ATP9A: variants seen among roughly 807,000 people sequenced by gnomAD.
The protein encoded by ATP9A is ATPase phospholipid transporting 9A.
ATP9A carries 52 observed loss-of-function variants against 144.1 expected under a neutral mutation model. The ratio of observed to expected loss-of-function variants is 0.36; its 90% CI spans 0.29 to 0.45. The LOEUF is 0.45. Ranked by LOEUF, ATP9A falls within the 20% of genes least tolerant of loss-of-function variation. ATP9A has a pLI of 1.00. For missense variants in ATP9A, 947 were observed against 1,392.7 expected (o/e 0.68, Z 5.09); for synonymous variants, 582 against 557.4 (o/e 1.04, Z -0.62).
At chr20:51,618,559 G>A (rs1319714634) in intron 21 of ATP9A, 103 bp downstream of exon 21, 5 of 1,456,948 alleles carry the variant, frequency 3.4e-6, no homozygotes, top group Non-Finnish European at 4.6e-6. Context: ...AAAGGGGCCT[G>A]GGGAATTTGA....
chr20:51,639,558 C>T, intron 14 of ATP9A, 54 bp from the exon 15 acceptor site: 3 of 1,548,986 alleles, frequency 1.9e-6, no homozygotes, highest in Admixed American at 3.8e-5. Flanking sequence ...TCTGGGTTCA[C>T]AGGCTGTGCT....
At chr20:51,660,722 G>A (rs994680766) in intron 13 of ATP9A, among the ~76,000 whole-genome samples, 1 of 152,252 alleles carries the variant, frequency 6.6e-6, no homozygotes, top group African/African-American at 2.4e-5. Context: ...CAGGGGCTGT[G>A]TTTGGATGAT....
rs2077122569 is a variant in ATP9A, at chr20:51,597,132, C to G, written c.*4079G>C. Reference sequence around the variant, plus strand: ...CCCCCACCTGACCCCACAAACACAACAGTCACTGACATGGCCCAGCTATAT... The same window carrying G: ...CCCCCACCTGACCCCACAAACACAAGAGTCACTGACATGGCCCAGCTATAT... On this transcript the variant is annotated 3_prime_UTR_variant, in exon 28 of 28. Transcript: ENST00000338821. 1 of 152,168 alleles carries G rather than the reference C, an allele frequency of 6.6e-6. No individual in the cohort carries two copies. Among genetic ancestry groups the G allele is most frequent in the African/African-American group, 2.4e-5 (1 of 41,422 alleles). The allele number at this position is 152,168 out of a possible 1,614,324, so 9.4% of individuals were successfully genotyped here. A position where few individuals can be genotyped will look rare whatever the true frequency, so the allele number is the denominator to read the frequency against.
chr20:51,605,875 T>C (rs193035584), intron 26 of ATP9A, among the ~76,000 whole-genome samples: 129 of 150,046 alleles, frequency 8.6e-4, no homozygotes, highest in African/African-American at 3.0e-3. Context: ...ATCGTGCCAC[T>C]GCACTCCAGC....
intron 3 of ATP9A, among the ~76,000 whole-genome samples, chr20:51,718,558 C>G (rs987374484): frequency 6.6e-6 from 1 of 152,098 alleles, no homozygotes; most frequent in Non-Finnish European, 1.5e-5. Flanking sequence ...GCGCTCACAC[C>G]TGTAATCCCA....
intron 3 of ATP9A, among the ~76,000 whole-genome samples, chr20:51,716,476 A>G (rs1421374778): frequency 2.3e-5 from 3 of 130,000 alleles, no homozygotes; most frequent in Non-Finnish European, 4.8e-5. Context: ...AAAAGAAAAT[A>G]GAAACCTGAA....
intron 4 of ATP9A, among the ~76,000 whole-genome samples, chr20:51,701,568 T>C (rs1207083978): frequency 6.6e-6 from 1 of 152,150 alleles, no homozygotes; most frequent in African/African-American, 2.4e-5. Context: ...TGCAGAGCAG[T>C]TTCTGAGTAA....
intron 13 of ATP9A, among the ~76,000 whole-genome samples, chr20:51,660,447 G>T (rs1378005498): frequency 3.3e-5 from 5 of 152,136 alleles, no homozygotes; most frequent in African/African-American, 1.2e-4. Context: ...GTTGACAAAG[G>T]CCTCACTCAG....
rs892606895 is a variant in ATP9A, at chr20:51,651,169, C to T, written c.1506+5769G>A. Among the ~76,000 whole-genome samples the T allele has an allele frequency of 2.4e-4, 16 of 66,920 alleles. No individual in the cohort carries two copies. In the East Asian group the frequency reaches 5.4e-3, roughly 22 times the overall value. 43.9% of individuals were successfully genotyped at this position (66,920 alleles called of 152,430 possible). On this transcript the variant is annotated intron_variant, in intron 14 of 27. Coordinates refer to ENST00000338821, the MANE Select transcript of ATP9A (RefSeq NM_006045.3). ...CTCTCTCTCCATATATATATATACA[C>T]ACACACACACAAAGTAAATATTATT...
chr20:51,718,939 C>T (rs1242786788), intron 3 of ATP9A, among the ~76,000 whole-genome samples: 3 of 151,146 alleles, frequency 2.0e-5, no homozygotes, highest in Non-Finnish European at 4.4e-5. Context: ...ACCAGCCTGA[C>T]CAACATGATG....
intron 1 of ATP9A, among the ~76,000 whole-genome samples, chr20:51,763,763 CAAGCATCA>C (rs2077892506): frequency 1.3e-5 from 2 of 152,134 alleles, no homozygotes; most frequent in African/African-American, 4.8e-5. Context: ...CCAAATATAT[CAAGCATCA>C]AAGCATCCTC....
At chr20:51,763,061 T>C (rs964518333) in intron 1 of ATP9A, among the ~76,000 whole-genome samples, 1 of 151,862 alleles carries the variant, frequency 6.6e-6, no homozygotes, top group Non-Finnish European at 1.5e-5. Flanking sequence ...AAAAACTTCA[T>C]GCTAAATTAA....
chr20:51,669,865 T>C (rs1294983176), intron 13 of ATP9A, 132 bp downstream of exon 13: 18 of 696,314 alleles, frequency 2.6e-5, no homozygotes, highest in Non-Finnish European at 4.2e-5. Flanking sequence ...ACTCTGAATA[T>C]GCTTAAAAAA....
Position 51,599,655 on chromosome 20 carries a change from G to A in ATP9A, c.*1556C>T, listed in dbSNP as rs565721225. On this transcript the variant is annotated 3_prime_UTR_variant, in exon 28 of 28. Coordinates refer to ENST00000338821, the MANE Select transcript of ATP9A (RefSeq NM_006045.3). ...CACAAAATACAAAAGCTTATCAAGA[G>A]TGCTCCAAAGGCAAGGGACTATCTG... The A allele has an allele frequency of 1.3e-5, 2 of 152,332 alleles. No individual in the cohort carries two copies. The highest frequency in any genetic ancestry group is 1.9e-4 in the East Asian group (1 of 5,186). The allele number at this position is 152,332 out of a possible 1,614,324, so 9.4% of individuals were successfully genotyped here. A position where few individuals can be genotyped will look rare whatever the true frequency, so the allele number is the denominator to read the frequency against.
At chr20:51,658,949 A>G (rs6091344) in intron 13 of ATP9A, among the ~76,000 whole-genome samples, 120,005 of 142,258 alleles carry the variant, frequency 0.84, 50,682 homozygotes, top group Middle Eastern at 0.87. Context: ...CATCTGATCA[A>G]CACCTGCCTG....
At chr20:51,643,322 G>T (rs1213164549) in intron 14 of ATP9A, among the ~76,000 whole-genome samples, 1 of 152,098 alleles carries the variant, frequency 6.6e-6, no homozygotes, top group Non-Finnish European at 1.5e-5. Flanking sequence ...TTGGCTACTG[G>T]CCTGCCTAAG....
chr20:51,725,801 CAA>C lies in ATP9A; in HGVS notation c.327+16_327+17del, dbSNP rs748023849. ...CAAACCTCTAAGGTTACTGAACAAA[CAA>C]TGCCGATTAACTTACCAGGGGAACC... On this transcript the variant is annotated intron_variant, in intron 3 of 27. Coordinates refer to ENST00000338821, the MANE Select transcript of ATP9A (RefSeq NM_006045.3). 30 of 1,503,348 alleles carry C rather than the reference CAA, an allele frequency of 2.0e-5. No homozygotes were observed. In the African/African-American group the frequency reaches 4.0e-4, roughly 20 times the overall value. 93.1% of individuals were successfully genotyped at this position (1,503,348 alleles called of 1,614,324 possible).
chr20:51,652,080 A>G (rs1033145487), intron 14 of ATP9A, among the ~76,000 whole-genome samples: 8 of 152,184 alleles, frequency 5.3e-5, no homozygotes, highest in Admixed American at 3.3e-4. Context: ...ATTATCACCA[A>G]GGCCCCCACT....
chr20:51,627,275 G>A (rs2077253072), intron 17 of ATP9A, among the ~76,000 whole-genome samples: 1 of 152,184 alleles, frequency 6.6e-6, no homozygotes, highest in African/African-American at 2.4e-5. Context: ...CGCGATGACA[G>A]TGACAAATGC....
Sources: allele counts gnomAD v4.1 joint callset (sites outside exome capture counted in the v4.1 genomes callset), GRCh38; gene constraint gnomAD v4.1.1; transcripts MANE v1.5; gene names NCBI Gene and HGNC (gene_info 2026-07-23, HGNC 2026-07-21).